TWIST2: variants seen among roughly 807,000 people sequenced by gnomAD.
TWIST2 encodes the protein twist-related protein 2.
TWIST2 carries 1 observed loss-of-function variant against 11.6 expected under a neutral mutation model. That is an observed-to-expected ratio of 0.09 (90% CI 0.03 to 0.41). TWIST2 has a LOEUF of 0.41. TWIST2 is among the 10% of genes least tolerant of loss of function. The probability of loss-of-function intolerance (pLI) is 0.98; values close to 1 mark genes in which losing one functional copy is unlikely to be tolerated. For synonymous variants in TWIST2, 87 were observed against 96.6 expected, an observed-to-expected ratio of 0.90 and a Z score of 0.58; for missense variants, 168 against 226.4, an observed-to-expected ratio of 0.74 and a Z score of 1.66.
At chr2:238,868,778 C>T (rs1692591691) in intron 1 of TWIST2, among the ~76,000 whole-genome samples, 1 of 152,214 alleles carries the variant, frequency 6.6e-6, no homozygotes, top group African/African-American at 2.4e-5. Flanking sequence ...GGCTGATCCA[C>T]AGGCATGGTA....
intron 1 of TWIST2, among the ~76,000 whole-genome samples, chr2:238,856,159 CT>C (rs1692325864): frequency 6.6e-6 from 1 of 152,116 alleles, no homozygotes; most frequent in Admixed American, 6.5e-5. Flanking sequence ...GAGGTCCCGT[CT>C]TGTGTGACTG....
At chr2:238,856,532 A>C (rs1426589109) in intron 1 of TWIST2, among the ~76,000 whole-genome samples, 1 of 152,000 alleles carries the variant, frequency 6.6e-6, no homozygotes, top group East Asian at 1.9e-4. Flanking sequence ...AACATGGAAA[A>C]GTTTTTTTTT....
intron 1 of TWIST2, among the ~76,000 whole-genome samples, chr2:238,881,760 A>G (rs1692939644): frequency 1.3e-5 from 2 of 152,156 alleles, no homozygotes; most frequent in African/African-American, 4.8e-5. Flanking sequence ...AAGTCCCAGC[A>G]GGAATGCTGC....
chr2:238,897,205 G>T (rs928863417), intron 1 of TWIST2, among the ~76,000 whole-genome samples: 63 of 151,942 alleles, frequency 4.1e-4, no homozygotes, highest in African/African-American at 1.4e-3. Context: ...TCCTCCTGCC[G>T]CACTTCTCCC....
At chr2:238,877,198 AAACAGC>A (rs1213605498) in intron 1 of TWIST2, among the ~76,000 whole-genome samples, 8 of 152,170 alleles carry the variant, frequency 5.3e-5, no homozygotes, top group African/African-American at 1.9e-4. Context: ...TTCCATCTCA[AAACAGC>A]AACAACAAAA....
chr2:238,851,972 G>A (rs776968818), intron 1 of TWIST2, among the ~76,000 whole-genome samples: 9 of 152,134 alleles, frequency 5.9e-5, no homozygotes, highest in Non-Finnish European at 1.2e-4. Flanking sequence ...TCAGACTTCA[G>A]TGGCTCTTTG....
At chr2:238,879,359 C>G (rs1215696232) in intron 1 of TWIST2, among the ~76,000 whole-genome samples, 1 of 152,188 alleles carries the variant, frequency 6.6e-6, no homozygotes, top group African/African-American at 2.4e-5. Context: ...CTGGTTTCCT[C>G]TGGTTCTCCA....
intron 1 of TWIST2, among the ~76,000 whole-genome samples, chr2:238,875,530 G>A (rs1474682235): frequency 6.6e-6 from 1 of 152,156 alleles, no homozygotes; most frequent in Non-Finnish European, 1.5e-5. Context: ...TGTTTTTCAC[G>A]TTACTGGCAT....
chr2:238,879,712 A>G (rs911584537), intron 1 of TWIST2, among the ~76,000 whole-genome samples: 1 of 152,232 alleles, frequency 6.6e-6, no homozygotes, highest in Non-Finnish European at 1.5e-5. Context: ...TGAGTTGTGG[A>G]CATGGACAGC....
rs189541484 is a variant in TWIST2 at position 238,892,604 on chromosome 2, C to A, written c.*36-17238C>A. ...CAAGCAATTCTCCTGCCTCAGCCCC[C>A]CGAGTAGCTGGGACTACAGGCGACC... is the stretch of plus-strand genomic sequence containing the variant. On this transcript the variant is annotated intron_variant, in intron 1 of 1. Transcript: ENST00000612363. 3.2e-3 allele frequency among the ~76,000 whole-genome samples: 490 copies of A among 152,096 alleles called. 2 individuals carry two copies. The highest frequency in any genetic ancestry group is 5.9e-3 in the Non-Finnish European group (401 of 67,992).
At chr2:238,899,841 G>A (rs1693248626) in intron 1 of TWIST2, among the ~76,000 whole-genome samples, 4 of 152,148 alleles carry the variant, frequency 2.6e-5, no homozygotes, top group East Asian at 1.9e-4. Flanking sequence ...TGTCCAAACC[G>A]TGTCATCTTT....
intron 1 of TWIST2, among the ~76,000 whole-genome samples, chr2:238,907,777 C>A (rs922704996): frequency 6.6e-6 from 1 of 151,392 alleles, no homozygotes; most frequent in Non-Finnish European, 1.5e-5. Flanking sequence ...AAACACTCCA[C>A]ATACCCACTT....
chr2:238,894,978 A>T (rs1693190412), intron 1 of TWIST2, among the ~76,000 whole-genome samples: 1 of 152,170 alleles, frequency 6.6e-6, no homozygotes, highest in African/African-American at 2.4e-5. Context: ...TTTTTGTGAT[A>T]GTGATTTGTT....
intron 1 of TWIST2, among the ~76,000 whole-genome samples, chr2:238,904,576 C>A (rs1456221020): frequency 2.0e-5 from 3 of 151,970 alleles, no homozygotes; most frequent in African/African-American, 7.3e-5. Context: ...CCAACGGTGT[C>A]CATGGTACTT....
chr2:238,898,555 G>A lies in TWIST2; in HGVS notation c.*36-11287G>A, dbSNP rs1037479842. On this transcript the variant is annotated intron_variant, in intron 1 of 1. Transcript: ENST00000612363. ...TACAAAAGGGGAGTTCCCGCCAGCC[G>A]CTCCTGAGACACAGCTCAGGGTGGG... 2.1e-3 allele frequency among the ~76,000 whole-genome samples: 322 copies of A among 152,310 alleles called. 2 individuals carry two copies. The highest frequency in any genetic ancestry group is 3.3e-3 in the Admixed American group (51 of 15,300).
chr2:238,878,435 C>G (rs912721338), intron 1 of TWIST2, among the ~76,000 whole-genome samples: 5 of 152,118 alleles, frequency 3.3e-5, no homozygotes, highest in African/African-American at 1.2e-4. Flanking sequence ...AAGAGGATGT[C>G]GGCTCCTCAT....
chr2:238,872,129 G>T (rs1289554271), intron 1 of TWIST2, among the ~76,000 whole-genome samples: 5 of 152,000 alleles, frequency 3.3e-5, no homozygotes, highest in Non-Finnish European at 7.4e-5. Flanking sequence ...CTCCTGGGCT[G>T]GGGGGGTCCC....
chr2:238,861,144 C>T (rs148094311), intron 1 of TWIST2, among the ~76,000 whole-genome samples: 6,090 of 152,236 alleles, frequency 0.04, 151 homozygotes, highest in Middle Eastern at 0.095. Flanking sequence ...GTTGTGCAGT[C>T]GGCTTGACAG....
rs1350186978 is a variant in TWIST2, at chr2:238,848,191, GC to G, written c.-21del. ...CGCGCTCGGCGCCCCGGCGCCCCCA[GC>G]CCCACGCGCGCCGGGCGGGCGCCAT... On this transcript the variant is annotated 5_prime_UTR_variant, in exon 1 of 2. Transcript: ENST00000612363. 1 of 1,269,810 alleles carries G rather than the reference GC, an allele frequency of 7.9e-7. No individual in the cohort carries two copies. Among genetic ancestry groups the G allele is most frequent in the African/African-American group, 1.6e-5 (1 of 64,198 alleles). The allele number at this position is 1,269,810 out of a possible 1,614,324, so 78.7% of individuals were successfully genotyped here.
Sources: gnomAD v4.1 joint callset for allele counts (sites outside exome capture counted in the v4.1 genomes callset) on GRCh38, gnomAD v4.1.1 for gene constraint, MANE v1.5 for transcripts, NCBI Gene and HGNC (gene_info 2026-07-23, HGNC 2026-07-21) for gene names.